Variants in PCBP3 observed in about 807,000 individuals in gnomAD.
PCBP3 encodes poly(rC)-binding protein 3.
In PCBP3, 25 loss-of-function variants were observed where a neutral mutation model predicts 52.7. The ratio of observed to expected loss-of-function variants is 0.47; its 90% CI spans 0.35 to 0.66. PCBP3 has a LOEUF of 0.66. Among genes scored for constraint, PCBP3 ranks in the 30% least tolerant of loss-of-function variants. PCBP3 has a pLI of 0.01. For missense variants in PCBP3, 391 were observed against 490.3 expected, an observed-to-expected ratio of 0.80 and a Z score of 1.91; for synonymous variants, 162 against 183.0, an observed-to-expected ratio of 0.89 and a Z score of 0.93.
In PCBP3 at chr21:45,791,180, G is replaced by A. The variant is rs1312227322; in HGVS notation, c.-126+35728G>A. Among the ~76,000 whole-genome samples, 1 of 152,188 alleles carries A rather than the reference G, an allele frequency of 6.6e-6. No individual in the cohort carries two copies. The highest frequency in any genetic ancestry group is 1.5e-5 in the Non-Finnish European group (1 of 68,034). On this transcript the variant is annotated intron_variant, in intron 4 of 17. Coordinates refer to ENST00000681687, the MANE Select transcript of PCBP3 (RefSeq NM_001384156.1). The surrounding 1 kb of genome is among the most constrained non-coding windows in gnomAD (Gnocchi z 4.2). ...CTGTGTTGGTCGTCAGCCCAGCGTGGGAAGGGGGAGTTTTGAAGACAGGAA... is the reference window on the plus strand; with the variant it reads ...CTGTGTTGGTCGTCAGCCCAGCGTGAGAAGGGGGAGTTTTGAAGACAGGAA...
chr21:45,702,138 G>A (rs971030283), intron 2 of PCBP3, among the ~76,000 whole-genome samples: 7 of 152,152 alleles, frequency 4.6e-5, no homozygotes, highest in African/African-American at 1.2e-4. Flanking sequence ...CTTGACAGGT[G>A]GTAGTTTCTT....
At chr21:45,764,639 C>T (rs552014118) in intron 4 of PCBP3, among the ~76,000 whole-genome samples, 84 of 152,244 alleles carry the variant, frequency 5.5e-4, no homozygotes, top group African/African-American at 1.9e-3. Flanking sequence ...GTTTTCTGGA[C>T]GGTGGGCAGG....
At position 45,687,924 on chromosome 21, in the gene PCBP3, G is replaced by A. The variant is rs113301453; in HGVS notation, c.-200+18972G>A. ...TTTTTTGTATTTTTAGTAGAGACGG[G>A]GTTTCACAGTGTTAGCCAGGATGGT... On this transcript the variant is annotated intron_variant, in intron 2 of 17. Transcript: ENST00000681687. 4.9e-3 allele frequency among the ~76,000 whole-genome samples: 745 copies of A among 151,988 alleles called. 7 individuals carry two copies. Among genetic ancestry groups the A allele is most frequent in the African/African-American group, 0.016 (683 of 41,446 alleles).
chr21:45,941,082 A>G (rs2077418680), intron 17 of PCBP3, among the ~76,000 whole-genome samples: 1 of 152,092 alleles, frequency 6.6e-6, no homozygotes, highest in Admixed American at 6.5e-5. Flanking sequence ...ACACCCCCCG[A>G]CTTTACCCAC....
intron 4 of PCBP3, among the ~76,000 whole-genome samples, chr21:45,812,050 A>G (rs2092699609): frequency 2.0e-5 from 3 of 152,152 alleles, no homozygotes; most frequent in Admixed American, 2.0e-4. Flanking sequence ...ATACAATTTT[A>G]TCATTGTTCA....
intron 2 of PCBP3, among the ~76,000 whole-genome samples, chr21:45,703,001 C>G (rs1208487908): frequency 6.6e-6 from 1 of 152,100 alleles, no homozygotes; most frequent in East Asian, 1.9e-4. Context: ...TTCTGCTTCT[C>G]ATCCATAAGA....
At chr21:45,722,562 C>T (rs1352166992) in intron 2 of PCBP3, among the ~76,000 whole-genome samples, 2 of 151,964 alleles carry the variant, frequency 1.3e-5, no homozygotes, top group Non-Finnish European at 2.9e-5. Context: ...TAGAGATTTT[C>T]ATAGACAAAT....
intron 8 of PCBP3, 24 bp from the exon 9 acceptor site, chr21:45,900,972 TG>T: frequency 6.4e-7 from 1 of 1,562,462 alleles, no homozygotes; most frequent in Non-Finnish European, 8.8e-7. Context: ...ATCAGGTCGC[TG>T]GGGTTTCTCT....
At chr21:45,781,967 T>A (rs1191438397) in intron 4 of PCBP3, among the ~76,000 whole-genome samples, 1 of 152,244 alleles carries the variant, frequency 6.6e-6, no homozygotes, top group African/African-American at 2.4e-5. Flanking sequence ...TGGCTATTCT[T>A]ACTCATCATA....
intron 2 of PCBP3, among the ~76,000 whole-genome samples, chr21:45,677,798 A>G (rs1205696755): frequency 2.0e-5 from 3 of 152,190 alleles, no homozygotes; most frequent in Admixed American, 1.3e-4. Context: ...GGGAACAACA[A>G]AGCCTAGATA....
At chr21:45,648,719 T>C (rs1412114430) in intron 1 of PCBP3, among the ~76,000 whole-genome samples, 1 of 152,254 alleles carries the variant, frequency 6.6e-6, no homozygotes, top group Non-Finnish European at 1.5e-5. Flanking sequence ...TATCTTACTG[T>C]TTTAATTAGC....
intron 12 of PCBP3, chr21:45,916,561 G>C (rs1320790839): frequency 6.6e-6 from 1 of 152,208 alleles, no homozygotes; most frequent in South Asian, 2.1e-4. Flanking sequence ...GGGAGGGTTT[G>C]GGCTGCACAG....
intron 3 of PCBP3, among the ~76,000 whole-genome samples, chr21:45,754,989 T>C (rs1163247897): frequency 6.6e-6 from 1 of 152,222 alleles, no homozygotes; most frequent in African/African-American, 2.4e-5. Context: ...TATTGAGATA[T>C]AATTTATATA....
At chr21:45,754,561 T>C (rs1314596082) in intron 3 of PCBP3, among the ~76,000 whole-genome samples, 1 of 152,114 alleles carries the variant, frequency 6.6e-6, no homozygotes. Context: ...AGCTAGAAAA[T>C]ATTCGTGAGT....
intron 4 of PCBP3, among the ~76,000 whole-genome samples, chr21:45,756,231 C>T (rs1441881946): frequency 1.3e-5 from 2 of 152,172 alleles, no homozygotes; most frequent in Non-Finnish European, 2.9e-5. Flanking sequence ...TGCTCTTTCA[C>T]CAGACAGCGA....
intron 16 of PCBP3, among the ~76,000 whole-genome samples, chr21:45,936,217 G>C (rs975168099): frequency 2.6e-5 from 4 of 152,234 alleles, no homozygotes; most frequent in African/African-American, 4.8e-5. Context: ...GTGGAAGATG[G>C]ACAGTGGAGC....
chr21:45,832,065 AGCAGCCCCGAGGG>A (rs2093463998), intron 4 of PCBP3, among the ~76,000 whole-genome samples: 1 of 152,190 alleles, frequency 6.6e-6, no homozygotes, highest in Non-Finnish European at 1.5e-5. Context: ...TCATACGCAG[AGCAGCCCCGAGGG>A]CTGCTGGTGC....
intron 11 of PCBP3, 61 bp from the exon 12 acceptor site, chr21:45,913,890 C>T (rs1460291734): frequency 6.8e-5 from 102 of 1,506,194 alleles, no homozygotes; most frequent in Non-Finnish European, 9.0e-5. Context: ...GCACGCCTCC[C>T]CATTGCCAGG....
At position 45,814,078 on chromosome 21, in the gene PCBP3, C is replaced by T. The variant is rs568992087; in HGVS notation, c.-125-35883C>T. 2.7e-4 allele frequency among the ~76,000 whole-genome samples: 41 copies of T among 152,338 alleles called. No individual in the cohort carries two copies. In the South Asian group the frequency reaches 8.5e-3, roughly 32 times the overall value. ...GGTACAGCCTATTGGTCTTAGGCTA[C>T]AAAGCTGTGTAGTGCATGACTGTGC... On this transcript the variant is annotated intron_variant, in intron 4 of 17. Coordinates refer to ENST00000681687, the MANE Select transcript of PCBP3 (RefSeq NM_001384156.1).
Sources: gnomAD v4.1 joint callset for allele counts (sites outside exome capture counted in the v4.1 genomes callset) on GRCh38, gnomAD v4.1.1 for gene constraint, Gnocchi (gnomAD v3.1) non-coding constraint, MANE v1.5 for transcripts, NCBI Gene and HGNC (gene_info 2026-07-23, HGNC 2026-07-21) for gene names.